The following DPP10 variants were observed in gnomAD, a reference collection of about 807,000 sequenced individuals.
The protein encoded by DPP10 is inactive dipeptidyl peptidase 10.
A neutral mutation model predicts 120.9 loss-of-function variants in DPP10; 33 were observed. The ratio of observed to expected loss-of-function variants is 0.27; its 90% CI spans 0.21 to 0.37. DPP10 has a LOEUF of 0.37. DPP10 is among the 10% of genes least tolerant of loss of function. The pLI is 1.00. For missense variants in DPP10, 816 were observed against 942.8 expected (o/e 0.87, Z 1.76); for synonymous variants, 337 against 326.1 (o/e 1.03, Z -0.36).
chr2:115,701,981 A>G (rs974055640), intron 7 of DPP10, among the ~76,000 whole-genome samples: 2 of 152,078 alleles, frequency 1.3e-5, no homozygotes, highest in Admixed American at 1.3e-4. Context: ...TAAGTAGCAA[A>G]GTGTAAGTTA....
rs148957009 is a variant in DPP10 at position 115,372,661 on chromosome 2, C to G, written c.271+28749C>G. On this transcript the variant is annotated intron_variant, in intron 3 of 25. Coordinates refer to ENST00000410059, the MANE Select transcript of DPP10 (RefSeq NM_020868.6). ...AGCAACTGAATGAGAGAAAAAGATTCTTAATGAACCTGGATCAGAGACCAG... is the reference window on the plus strand; with the variant it reads ...AGCAACTGAATGAGAGAAAAAGATTGTTAATGAACCTGGATCAGAGACCAG... Among the ~76,000 whole-genome samples the G allele has an allele frequency of 5.2e-3, 799 of 152,308 alleles. 5 individuals are homozygous for G. The highest frequency in any genetic ancestry group is 0.017 in the African/African-American group (724 of 41,562).
At chr2:115,213,820 A>G (rs1284059196) in intron 1 of DPP10, among the ~76,000 whole-genome samples, 3 of 152,154 alleles carry the variant, frequency 2.0e-5, no homozygotes, top group African/African-American at 7.2e-5. Context: ...TTAGGCCTAT[A>G]GTACTTAGAC....
intron 1 of DPP10, among the ~76,000 whole-genome samples, chr2:114,663,640 GATATATAT>G (rs748891458): frequency 4.5e-4 from 48 of 107,864 alleles, no homozygotes; most frequent in East Asian, 4.3e-3. Flanking sequence ...TACATGTACA[GATATATAT>G]ATATATATAT....
chr2:115,546,000 A>G (rs2148983761), intron 5 of DPP10, among the ~76,000 whole-genome samples: 2 of 152,178 alleles, frequency 1.3e-5, no homozygotes, highest in East Asian at 3.9e-4. Flanking sequence ...TTCCGTTTCT[A>G]TTTGAGAATG....
At chr2:115,507,974 G>T (rs1160371693) in intron 4 of DPP10, among the ~76,000 whole-genome samples, 2 of 152,018 alleles carry the variant, frequency 1.3e-5, no homozygotes, top group Non-Finnish European at 2.9e-5. Flanking sequence ...CCTTCAACTT[G>T]TTGGAAATAG....
intron 1 of DPP10, among the ~76,000 whole-genome samples, chr2:114,446,107 A>C (rs532781282): frequency 6.6e-6 from 1 of 152,340 alleles, no homozygotes; most frequent in Admixed American, 6.5e-5. Flanking sequence ...TCTTTGCGTT[A>C]TTATAAACGT....
rs528263475 is a variant in DPP10, at chr2:114,907,293, T to C, written c.61-401946T>C. ...TTGACTTTCTCTATTGTTTTTCTTT[T>C]CCATTAATTTCTGTTCTAACTTTTA... is the stretch of plus-strand genomic sequence containing the variant. On this transcript the variant is annotated intron_variant, in intron 1 of 25. Coordinates refer to ENST00000410059, the MANE Select transcript of DPP10 (RefSeq NM_020868.6). 2.0e-5 allele frequency among the ~76,000 whole-genome samples: 3 copies of C among 152,160 alleles called. No homozygotes were observed. The South Asian group carries it at 6.2e-4, about 32-fold the overall frequency.
intron 1 of DPP10, among the ~76,000 whole-genome samples, chr2:114,788,518 TG>T (rs1285157423): frequency 1.3e-5 from 2 of 151,692 alleles, no homozygotes; most frequent in African/African-American, 4.8e-5. Flanking sequence ...TGAGTTCAAG[TG>T]ATTCTCCTGC....
intron 1 of DPP10, among the ~76,000 whole-genome samples, chr2:115,236,898 C>T (rs552327870): frequency 5.3e-5 from 8 of 152,080 alleles, no homozygotes; most frequent in East Asian, 1.9e-4. Flanking sequence ...TAAGAATTTT[C>T]GGGAATGGGG....
intron 1 of DPP10, among the ~76,000 whole-genome samples, chr2:114,732,730 T>C (rs1293003069): frequency 6.6e-6 from 1 of 152,192 alleles, no homozygotes; most frequent in Non-Finnish European, 1.5e-5. Flanking sequence ...TATTTGTTTT[T>C]CAATATAGAT....
chr2:115,187,080 C>T (rs1263386679), intron 1 of DPP10, among the ~76,000 whole-genome samples: 4 of 125,734 alleles, frequency 3.2e-5, no homozygotes. Flanking sequence ...CTCTGTCGGG[C>T]CTGCGGACTG....
chr2:114,829,414 G>C (rs1365660050), intron 1 of DPP10, among the ~76,000 whole-genome samples: 2 of 143,178 alleles, frequency 1.4e-5, no homozygotes, highest in African/African-American at 5.1e-5. Flanking sequence ...ACAGAGTGTC[G>C]CTCTTGTCAC....
chr2:115,423,881 A>G lies in DPP10; in HGVS notation c.272-75629A>G, dbSNP rs560624631. ...TTCTATTCTTAACTTTTATGGGTTT[A>G]TCTTTGGCAAAAGCTGATTTTATAA... On this transcript the variant is annotated intron_variant, in intron 3 of 25. Coordinates refer to ENST00000410059, the MANE Select transcript of DPP10 (RefSeq NM_020868.6). 5.0e-4 allele frequency among the ~76,000 whole-genome samples: 76 copies of G among 152,226 alleles called. 2 individuals are homozygous for G. In the South Asian group the frequency reaches 0.016, roughly 31 times the overall value.
chr2:114,705,513 T>G (rs1700635634), intron 1 of DPP10, among the ~76,000 whole-genome samples: 2 of 152,170 alleles, frequency 1.3e-5, no homozygotes, highest in South Asian at 4.1e-4. Context: ...CACATCTGTC[T>G]TAATTTACTT....
At chr2:114,577,478 G>A (rs1372119047) in intron 1 of DPP10, among the ~76,000 whole-genome samples, 1 of 152,156 alleles carries the variant, frequency 6.6e-6, no homozygotes, top group Non-Finnish European at 1.5e-5. Context: ...TAACCAGAGG[G>A]GTCCATAGAA....
intron 5 of DPP10, among the ~76,000 whole-genome samples, chr2:115,617,788 T>C (rs920234256): frequency 1.3e-5 from 2 of 152,156 alleles, no homozygotes; most frequent in Non-Finnish European, 2.9e-5. Flanking sequence ...CATTAAGTAA[T>C]GCATGACTGT....
chr2:114,623,770 T>C (rs1049062694), intron 1 of DPP10, among the ~76,000 whole-genome samples: 14 of 152,118 alleles, frequency 9.2e-5, no homozygotes, highest in African/African-American at 3.4e-4. Context: ...ATTCAAACTT[T>C]GGTGCATTGT....
chr2:115,305,817 A>G (rs1020625909), intron 1 of DPP10, among the ~76,000 whole-genome samples: 1 of 151,908 alleles, frequency 6.6e-6, no homozygotes, highest in Non-Finnish European at 1.5e-5. Context: ...ATAACTTTAA[A>G]CCCAACAGGG....
At chr2:115,765,866 CAG>C (rs1221978010) in intron 12 of DPP10, among the ~76,000 whole-genome samples, 4 of 151,970 alleles carry the variant, frequency 2.6e-5, no homozygotes, top group African/African-American at 7.3e-5. Context: ...TATATTATCT[CAG>C]AGTTTTAAAT....
Sources: allele counts gnomAD v4.1 joint callset (sites outside exome capture counted in the v4.1 genomes callset), GRCh38; gene constraint gnomAD v4.1.1; transcripts MANE v1.5; gene names NCBI Gene and HGNC (gene_info 2026-07-23, HGNC 2026-07-21).